The following DENND5A variants were observed in gnomAD, a reference collection of about 807,000 sequenced individuals.
The protein encoded by DENND5A is DENN domain-containing protein 5A.
In DENND5A, 64 loss-of-function variants were observed where a neutral mutation model predicts 140.3. The ratio of observed to expected loss-of-function variants is 0.46; its 90% CI spans 0.37 to 0.56. The LOEUF is 0.56. Among genes scored for constraint, DENND5A ranks in the 20% least tolerant of loss-of-function variants. DENND5A has a pLI of 0.00. For missense variants in DENND5A, 1,292 were observed against 1,593.8 expected (o/e 0.81, Z 3.22); for synonymous variants, 605 against 607.7 (o/e 1.00, Z 0.07).
At chr11:9,234,870 G>A (rs780203288) in intron 1 of DENND5A, among the ~76,000 whole-genome samples, 45 of 152,138 alleles carry the variant, frequency 3.0e-4, no homozygotes, top group African/African-American at 4.6e-4. Flanking sequence ...TAATAAAGGC[G>A]CGGGTAAATC....
intron 1 of DENND5A, among the ~76,000 whole-genome samples, chr11:9,238,426 C>CT (rs1213583548): frequency 0.07 from 10,137 of 143,800 alleles, 1,059 homozygotes; most frequent in African/African-American, 0.23. Flanking sequence ...CTTTAAATTA[C>CT]TTTTTTTTTT....
At chr11:9,213,829 A>C (rs550109165) in intron 1 of DENND5A, among the ~76,000 whole-genome samples, 24 of 150,060 alleles carry the variant, frequency 1.6e-4, no homozygotes, top group Middle Eastern at 6.9e-3. Context: ...GAAGAAGAAG[A>C]AGCAGTGAGC....
chr11:9,152,353 C>G lies in DENND5A; in HGVS notation c.2521+5G>C. 6.3e-7 allele frequency: 1 copy of G among 1,599,474 alleles called. No homozygotes were observed. Among genetic ancestry groups the G allele is most frequent in the Non-Finnish European group, 8.6e-7 (1 of 1,166,698 alleles). On this transcript the variant is annotated splice_donor_5th_base_variant and intron_variant, in intron 13 of 22. Transcript: ENST00000328194. Reference sequence around the variant, plus strand: ...GCAGACTCTCCATTGCAGAGACTATCTTACCTGAGGTACTGAGGCTTCCTG... The same window carrying G: ...GCAGACTCTCCATTGCAGAGACTATGTTACCTGAGGTACTGAGGCTTCCTG...
intron 1 of DENND5A, among the ~76,000 whole-genome samples, chr11:9,247,863 G>A (rs760483487): frequency 7.2e-5 from 11 of 152,294 alleles, no homozygotes; most frequent in Middle Eastern, 6.8e-3. Context: ...AGACAGCTTT[G>A]CAGGGCCATT....
chr11:9,169,956 C>T lies in DENND5A; in HGVS notation c.2058-7G>A. The T allele has an allele frequency of 6.3e-7, 1 of 1,597,958 alleles. No individual in the cohort carries two copies. The highest frequency in any genetic ancestry group is 8.6e-7 in the Non-Finnish European group (1 of 1,165,936). On this transcript the variant is annotated splice_polypyrimidine_tract_variant and splice_region_variant and intron_variant, in intron 9 of 22. Coordinates refer to ENST00000328194, the MANE Select transcript of DENND5A (RefSeq NM_015213.4). ...GGCATTCCTTTTCGTCCACCTAACA[C>T]AATCAGAACCAAAGCAGGCAATTAA...
At chr11:9,218,111 T>C (rs1850165834) in intron 1 of DENND5A, among the ~76,000 whole-genome samples, 1 of 152,106 alleles carries the variant, frequency 6.6e-6, no homozygotes, top group Admixed American at 6.6e-5. Context: ...ATTAAAAGAT[T>C]AGCCAGGCAT....
intron 1 of DENND5A, among the ~76,000 whole-genome samples, chr11:9,251,717 C>T (rs1459016409): frequency 2.6e-5 from 4 of 152,134 alleles, no homozygotes; most frequent in South Asian, 2.1e-4. Context: ...CAGCTGGGTG[C>T]GGTGGCTCAC....
chr11:9,251,874 A>C (rs1418487714), intron 1 of DENND5A, among the ~76,000 whole-genome samples: 1 of 152,004 alleles, frequency 6.6e-6, no homozygotes, highest in African/African-American at 2.4e-5. Context: ...CTGCAGTCTC[A>C]GCTACTCGGG....
intron 1 of DENND5A, among the ~76,000 whole-genome samples, chr11:9,244,725 G>C (rs936447724): frequency 5.3e-5 from 8 of 152,072 alleles, no homozygotes; most frequent in Non-Finnish European, 8.8e-5. Flanking sequence ...ACTCAGGCTA[G>C]AGTGCAGTGT....
chr11:9,193,283 T>A (rs889087486), intron 5 of DENND5A, among the ~76,000 whole-genome samples: 1 of 152,312 alleles, frequency 6.6e-6, no homozygotes, highest in East Asian at 1.9e-4. Context: ...ACAATGTACA[T>A]ATGTCAGTTG....
At chr11:9,254,577 GTAA>G (rs1851866046) in intron 1 of DENND5A, among the ~76,000 whole-genome samples, 1 of 152,190 alleles carries the variant, frequency 6.6e-6, no homozygotes, top group Non-Finnish European at 1.5e-5. Flanking sequence ...GCTGCAGCTA[GTAA>G]TCTGGGCTTC....
intron 4 of DENND5A, among the ~76,000 whole-genome samples, chr11:9,193,911 C>T (rs1018883220): frequency 1.3e-5 from 2 of 152,176 alleles, no homozygotes. Context: ...GGTCCTTGCT[C>T]ATAATAAAAT....
intron 1 of DENND5A, among the ~76,000 whole-genome samples, chr11:9,256,711 A>G (rs537689686): frequency 1.3e-5 from 2 of 152,330 alleles, no homozygotes; most frequent in African/African-American, 4.8e-5. Context: ...AAAGTAGATG[A>G]GTGGTTGCCT....
At chr11:9,164,021 T>C (rs1316431727) in intron 11 of DENND5A, among the ~76,000 whole-genome samples, 1 of 142,944 alleles carries the variant, frequency 7.0e-6, no homozygotes, top group Non-Finnish European at 1.5e-5. Flanking sequence ...TTTTTTAACC[T>C]AAATTTAAAA....
At chr11:9,143,333 T>C in intron 20 of DENND5A, 70 bp downstream of exon 20, 1 of 1,352,790 alleles carries the variant, frequency 7.4e-7, no homozygotes, top group Non-Finnish European at 1.1e-6. Context: ...CATAACAAGA[T>C]AATCGGAAAA....
intron 1 of DENND5A, among the ~76,000 whole-genome samples, chr11:9,249,530 ATTTT>A (rs1014973276): frequency 6.6e-6 from 1 of 151,634 alleles, no homozygotes; most frequent in Non-Finnish European, 1.5e-5. Flanking sequence ...TCATTTTTAT[ATTTT>A]TTTATTTTAT....
At chr11:9,178,546 T>C (rs775369995) in intron 7 of DENND5A, among the ~76,000 whole-genome samples, 180 bp from the exon 8 acceptor site, 2 of 151,946 alleles carry the variant, frequency 1.3e-5, no homozygotes, top group Non-Finnish European at 2.9e-5. Context: ...TCTTGAAACT[T>C]TGACACTGGA....
chr11:9,224,763 C>G (rs1411504719), intron 1 of DENND5A, among the ~76,000 whole-genome samples: 1 of 149,752 alleles, frequency 6.7e-6, no homozygotes, highest in Non-Finnish European at 1.5e-5. Flanking sequence ...GAGGCTGAGG[C>G]AAGAGAATCG....
In DENND5A at chr11:9,150,751, A is replaced by G; in HGVS notation, c.2535T>C (p.Asp845=). The change falls in exon 14 of 23, where the codon GAT becomes GAC. Residue 845 remains aspartate, a synonymous_variant. Transcript: ENST00000328194. ...TGGCATCAGACTTCCTACGTTCTGA[A>G]TCAAGAAGTATTCCTAGAATAAACA... ...GSLSTSGILL[D]SERRKSDASS... The G allele has an allele frequency of 1.2e-6, 2 of 1,612,398 alleles. No homozygotes were observed. Among genetic ancestry groups the G allele is most frequent in the Non-Finnish European group, 1.7e-6 (2 of 1,178,666 alleles).
Sources: allele counts gnomAD v4.1 joint callset (sites outside exome capture counted in the v4.1 genomes callset), GRCh38; gene constraint gnomAD v4.1.1; transcripts MANE v1.5; gene names NCBI Gene and HGNC (gene_info 2026-07-23, HGNC 2026-07-21).